Variants in FNIP2 observed in about 807,000 individuals in gnomAD.
The protein encoded by FNIP2 is folliculin interacting protein 2.
Under a neutral mutation model 108.7 loss-of-function variants are expected in FNIP2, and 32 were observed. The observed-to-expected ratio is 0.29, with a 90% CI of 0.22 to 0.40. FNIP2 has a LOEUF of 0.40. Among genes scored for constraint, FNIP2 ranks in the 10% least tolerant of loss-of-function variants. The pLI is 1.00. For synonymous variants in FNIP2, 480 were observed against 496.7 expected, an observed-to-expected ratio of 0.97 and a Z score of 0.45; for missense variants, 1,202 against 1,381.6, an observed-to-expected ratio of 0.87 and a Z score of 2.06.
chr4:158,870,617 T>A, intron 14 of FNIP2, 148 bp downstream of exon 14: 1 of 997,084 alleles, frequency 1.0e-6, no homozygotes, highest in Non-Finnish European at 1.4e-6. Flanking sequence ...CTAGGGCTAG[T>A]GAGGCACCTG....
At chr4:158,856,952 C>A (rs2126667873) in intron 8 of FNIP2, among the ~76,000 whole-genome samples, 1 of 152,290 alleles carries the variant, frequency 6.6e-6, no homozygotes, top group South Asian at 2.1e-4. Flanking sequence ...TGATGCAAGA[C>A]TACAGAATGA....
intron 16 of FNIP2, among the ~76,000 whole-genome samples, chr4:158,898,124 GT>G (rs1327401644): frequency 3.9e-5 from 6 of 152,042 alleles, no homozygotes; most frequent in African/African-American, 1.4e-4. Flanking sequence ...TTTTTGTCAG[GT>G]TTGTCAAAGA....
intron 1 of FNIP2, among the ~76,000 whole-genome samples, chr4:158,790,159 C>T (rs1375062705): frequency 6.6e-6 from 1 of 151,522 alleles, no homozygotes; most frequent in East Asian, 2.0e-4. Flanking sequence ...AGACCTGGGT[C>T]CTATCCCCAA....
chr4:158,796,926 A>G (rs917444370), intron 1 of FNIP2, among the ~76,000 whole-genome samples: 1 of 152,104 alleles, frequency 6.6e-6, no homozygotes, highest in Non-Finnish European at 1.5e-5. Flanking sequence ...GACAGTGACT[A>G]CGCGCTGGTG....
chr4:158,868,038 C>T lies in FNIP2; in HGVS notation c.1466-64C>T, dbSNP rs934509506. Reference sequence around the variant, plus strand: ...GTTATCTGTTTTGCTCTTGTAAAGACGGATATATCTGTGACATGCTAACCC... The same window carrying T: ...GTTATCTGTTTTGCTCTTGTAAAGATGGATATATCTGTGACATGCTAACCC... On this transcript the variant is annotated intron_variant, in intron 12 of 16. Coordinates refer to ENST00000264433, the MANE Select transcript of FNIP2 (RefSeq NM_020840.3). This position sits in a 1 kb window ranked among gnomAD's most constrained non-coding sequence, Gnocchi z 4.6. 6 of 1,573,908 alleles carry T rather than the reference C, an allele frequency of 3.8e-6. No individual in the cohort carries two copies. Among genetic ancestry groups the T allele is most frequent in the South Asian group, 1.2e-5 (1 of 84,652 alleles).
At chr4:158,807,341 A>T (rs1273875414) in intron 1 of FNIP2, among the ~76,000 whole-genome samples, 3 of 151,990 alleles carry the variant, frequency 2.0e-5, no homozygotes, top group Admixed American at 6.6e-5. Flanking sequence ...CTACAAAAAA[A>T]TTTTAAAAAT....
chr4:158,855,266 A>G (rs1779918899), intron 8 of FNIP2, among the ~76,000 whole-genome samples: 3 of 152,200 alleles, frequency 2.0e-5, no homozygotes, highest in African/African-American at 7.2e-5. Flanking sequence ...AAGTCCAAAG[A>G]TAAAATTATT....
intron 14 of FNIP2, among the ~76,000 whole-genome samples, chr4:158,875,515 G>GATATATAT (rs56389652): frequency 0.14 from 15,112 of 111,380 alleles, 1,571 homozygotes; most frequent in East Asian, 0.21. Context: ...GCCTGGCTGT[G>GATATATAT]ATATATATAT....
rs562116240 is a variant in FNIP2, at chr4:158,906,009, A to G, written c.*1465A>G. ...AATGACTTCAGTTTTTTCATTTGAT[A>G]AAAATCAGAACTGCTACCTTTCCCT... On this transcript the variant is annotated 3_prime_UTR_variant, in exon 17 of 17. Transcript: ENST00000264433. 2.0e-5 allele frequency: 3 copies of G among 152,368 alleles called. No individual in the cohort carries two copies. The highest frequency in any genetic ancestry group is 2.9e-5 in the Non-Finnish European group (2 of 68,034). 9.4% of individuals were successfully genotyped at this position (152,368 alleles called of 1,614,324 possible). A position where few individuals can be genotyped will look rare whatever the true frequency, so the allele number is the denominator to read the frequency against.
At chr4:158,882,733 C>A (rs1162471447) in intron 14 of FNIP2, among the ~76,000 whole-genome samples, 1 of 152,158 alleles carries the variant, frequency 6.6e-6, no homozygotes, top group Non-Finnish European at 1.5e-5. Flanking sequence ...GTGCTGTGTC[C>A]ACTCAGGGTT....
intron 7 of FNIP2, among the ~76,000 whole-genome samples, chr4:158,843,528 A>G (rs1026695979): frequency 3.9e-5 from 6 of 152,238 alleles, no homozygotes; most frequent in African/African-American, 1.4e-4. Context: ...AAGGAGAGAC[A>G]GATAATAGAC....
chr4:158,833,758 A>G (rs1578885188), intron 6 of FNIP2, 130 bp downstream of exon 6: 1 of 1,446,310 alleles, frequency 6.9e-7, no homozygotes, highest in African/African-American at 1.5e-5. Context: ...TTTTTTTTGT[A>G]TGTGTACTTT....
At chr4:158,836,153 C>T (rs1383420695) in intron 7 of FNIP2, 1 of 152,214 alleles carries the variant, frequency 6.6e-6, no homozygotes, top group African/African-American at 2.4e-5. Flanking sequence ...AGACTAGGAG[C>T]ACCCTGCTGG....
intron 16 of FNIP2, 77 bp from the exon 17 acceptor site, chr4:158,904,389 C>T: frequency 7.6e-7 from 1 of 1,313,338 alleles, no homozygotes; most frequent in Non-Finnish European, 1.1e-6. Flanking sequence ...ATAATACTTT[C>T]TCATAAAAAG....
chr4:158,849,718 G>GT (rs1779592425), intron 7 of FNIP2, among the ~76,000 whole-genome samples: 1 of 152,000 alleles, frequency 6.6e-6, no homozygotes, highest in Non-Finnish European at 1.5e-5. Context: ...TTGAAATGTG[G>GT]ATTTGGTTTT....
chr4:158,811,332 C>T (rs1483729791), intron 1 of FNIP2, among the ~76,000 whole-genome samples: 1 of 152,088 alleles, frequency 6.6e-6, no homozygotes, highest in Non-Finnish European at 1.5e-5. Context: ...CTCACCCTGT[C>T]CAAAGGCAGA....
Position 158,861,623 on chromosome 4 carries a change from C to T in FNIP2, c.1312C>T (p.Leu438=), listed in dbSNP as rs767742039. Residue 438 remains leucine, a synonymous_variant, in exon 12 of 17, where the codon CTG becomes TTG. Coordinates refer to ENST00000264433, the MANE Select transcript of FNIP2 (RefSeq NM_020840.3). ...TTCTCCAAGGTTTTTTGCTGCCTTACTGACTGCGGTGTTAACCTACCACCT... is the reference window on the plus strand; with the variant it reads ...TTCTCCAAGGTTTTTTGCTGCCTTATTGACTGCGGTGTTAACCTACCACCT... ...INKNQFFAAL[L]TAVLTYHLAW... is the part of the protein sequence containing the mutation. 2 of 1,613,904 alleles carry T rather than the reference C, an allele frequency of 1.2e-6. No homozygotes were observed. The highest frequency in any genetic ancestry group is 8.5e-7 in the Non-Finnish European group (1 of 1,179,900).
chr4:158,792,106 T>TACAC (rs144281641), intron 1 of FNIP2, among the ~76,000 whole-genome samples: 1 of 151,012 alleles, frequency 6.6e-6, no homozygotes, highest in Non-Finnish European at 1.5e-5. Context: ...GCTGTCTCAA[T>TACAC]ACACACACAC....
intron 16 of FNIP2, among the ~76,000 whole-genome samples, chr4:158,896,560 T>A (rs1276144751): frequency 6.6e-6 from 1 of 152,206 alleles, no homozygotes; most frequent in Non-Finnish European, 1.5e-5. Context: ...AGAAAATATT[T>A]ATAATGTCGA....
Sources: gnomAD v4.1 joint callset for allele counts (sites outside exome capture counted in the v4.1 genomes callset) on GRCh38, gnomAD v4.1.1 for gene constraint, Gnocchi (gnomAD v3.1) non-coding constraint, MANE v1.5 for transcripts, NCBI Gene and HGNC (gene_info 2026-07-23, HGNC 2026-07-21) for gene names.